MCF2L2: variants seen among roughly 807,000 people sequenced by gnomAD.
MCF2L2 encodes probable guanine nucleotide exchange factor MCF2L2.
A neutral mutation model predicts 150.2 loss-of-function variants in MCF2L2; 102 were observed. The observed-to-expected ratio is 0.68, with a 90% CI of 0.58 to 0.80. The LOEUF (loss-of-function observed/expected upper bound fraction) is 0.80. Ranked by LOEUF, MCF2L2 falls within the 30% of genes least tolerant of loss-of-function variation. The pLI is 0.00. For missense variants in MCF2L2, 1,256 were observed against 1,372.8 expected, an observed-to-expected ratio of 0.91 and a Z score of 1.34; for synonymous variants, 465 against 491.3, an observed-to-expected ratio of 0.95 and a Z score of 0.71.
At chr3:183,405,054 A>G (rs1333814533) in intron 1 of MCF2L2, among the ~76,000 whole-genome samples, 1 of 152,206 alleles carries the variant, frequency 6.6e-6, no homozygotes, top group African/African-American at 2.4e-5. Flanking sequence ...AATAGAATTT[A>G]CAATATAATT....
At chr3:183,404,803 C>T (rs35221581) in intron 1 of MCF2L2, among the ~76,000 whole-genome samples, 39,781 of 151,928 alleles carry the variant, frequency 0.26, 6,050 homozygotes, top group Non-Finnish European at 0.36. Flanking sequence ...GCGGAGGTTG[C>T]AGTGAGCCGA....
At position 183,181,978 on chromosome 3, in the gene MCF2L2, C is replaced by A. The variant is rs1721539999; in HGVS notation, c.3017-1819G>T. On this transcript the variant is annotated intron_variant, in intron 27 of 29. Transcript: ENST00000328913. This position sits in a 1 kb window ranked among gnomAD's most constrained non-coding sequence, Gnocchi z 4.3. ...TCCAGCCCCTCTGCAGGGTAAGTGGCACCTGGGGTAAAATGACTGCCTGGA... is the reference window on the plus strand; with the variant it reads ...TCCAGCCCCTCTGCAGGGTAAGTGGAACCTGGGGTAAAATGACTGCCTGGA... Among the ~76,000 whole-genome samples the A allele has an allele frequency of 6.6e-6, 1 of 152,190 alleles. No homozygotes were observed. The highest frequency in any genetic ancestry group is 2.4e-5 in the African/African-American group (1 of 41,432).
intron 13 of MCF2L2, 29 bp downstream of exon 13, chr3:183,295,271 A>C: frequency 6.3e-7 from 1 of 1,579,136 alleles, no homozygotes; most frequent in Non-Finnish European, 8.6e-7. Context: ...CACAAAAGCC[A>C]CAAAGCTTCT....
chr3:183,350,890 C>T (rs1459492517), intron 3 of MCF2L2, among the ~76,000 whole-genome samples: 2 of 148,692 alleles, frequency 1.3e-5, no homozygotes, highest in African/African-American at 2.5e-5. Flanking sequence ...GGCGACAGAG[C>T]GAGACTCCGT....
chr3:183,297,105 C>T lies in MCF2L2; in HGVS notation c.1368G>A (p.Gln456=), dbSNP rs965201635. The T allele has an allele frequency of 7.4e-6, 12 of 1,614,076 alleles. No homozygotes were observed. In the Admixed American group the frequency reaches 1.0e-4, roughly 13 times the overall value. ...LLASQAVDKC[Q]SREGVDIALN... ...AGGCGATATCAACCCCTTCTCGAGA[C>T]TGGCACTTGTCTACAGCTTGGGAAG... Residue 456 remains glutamine (Q), a synonymous_variant, in exon 12 of 30, where the codon CAG becomes CAA. Transcript: ENST00000328913.
At chr3:183,389,849 A>G in intron 1 of MCF2L2, 70 bp from the exon 2 acceptor site, 1 of 1,284,738 alleles carries the variant, frequency 7.8e-7, no homozygotes, top group Non-Finnish European at 1.1e-6. Context: ...AAAAAGAAAC[A>G]AAGGCAAGTT....
chr3:183,309,969 A>ATT, intron 9 of MCF2L2, 134 bp from the exon 10 acceptor site: 4 of 911,342 alleles, frequency 4.4e-6, no homozygotes, highest in Non-Finnish European at 6.1e-6. Flanking sequence ...TATGTTAAAA[A>ATT]TTTTTTTTTT....
intron 5 of MCF2L2, among the ~76,000 whole-genome samples, chr3:183,336,697 T>C (rs1195305982): frequency 6.6e-6 from 1 of 150,940 alleles, no homozygotes; most frequent in Non-Finnish European, 1.5e-5. Flanking sequence ...CTACTAAAAA[T>C]GCAAAAATTA....
In MCF2L2 at chr3:183,354,400, G is replaced by A. The variant is rs539221749; in HGVS notation, c.276-12770C>T. 4.0e-3 allele frequency among the ~76,000 whole-genome samples: 607 copies of A among 152,066 alleles called. 4 individuals are homozygous for A. The highest frequency in any genetic ancestry group is 6.6e-3 in the Non-Finnish European group (449 of 67,986). ...TAACTGAGAGTCTGGCACCTTTTAC[G>A]GTCTGATAAGGGACATTTACCATCT... On this transcript the variant is annotated intron_variant, in intron 3 of 29. Coordinates refer to ENST00000328913, the MANE Select transcript of MCF2L2 (RefSeq NM_015078.4).
chr3:183,286,940 T>C (rs938029331), intron 14 of MCF2L2, among the ~76,000 whole-genome samples: 1 of 152,188 alleles, frequency 6.6e-6, no homozygotes, highest in Non-Finnish European at 1.5e-5. Flanking sequence ...CTTGTGCTTG[T>C]TTAACAGTAC....
At position 183,276,925 on chromosome 3, in the gene MCF2L2, CCT is replaced by C; in HGVS notation, c.1807_1808del (p.Arg603GlyfsTer4). 1 of 1,610,378 alleles carries C rather than the reference CCT, an allele frequency of 6.2e-7. No homozygotes were observed. Among genetic ancestry groups the C allele is most frequent in the Middle Eastern group, 1.7e-4 (1 of 5,996 alleles). ...CCTGCTGCTCCAGCTCAGGGTTCCC[CCT>C]TTCATGATGGCTTTCAAAGATTTCT... Reference protein sequence around the residue: ...SEEIFESHHERGNPELEQQAR... With the variant: ...SEEIFESHHEXGNPELEQQAR... On this transcript the variant is annotated frameshift_variant, in exon 15 of 30. Coordinates refer to ENST00000328913, the MANE Select transcript of MCF2L2 (RefSeq NM_015078.4). LOFTEE classifies it high-confidence loss of function.
At chr3:183,324,202 C>G (rs563380491) in intron 5 of MCF2L2, among the ~76,000 whole-genome samples, 1 of 152,332 alleles carries the variant, frequency 6.6e-6, no homozygotes, top group Admixed American at 6.5e-5. Context: ...CTGAGGGGAT[C>G]TGGAGGTGAC....
intron 2 of MCF2L2, among the ~76,000 whole-genome samples, chr3:183,385,200 G>A (rs1713761937): frequency 6.6e-6 from 1 of 152,170 alleles, no homozygotes; most frequent in African/African-American, 2.4e-5. Flanking sequence ...CATTGTATCT[G>A]TTTATTTTAA....
intron 1 of MCF2L2, among the ~76,000 whole-genome samples, chr3:183,413,601 G>A (rs1373323620): frequency 6.6e-6 from 1 of 152,190 alleles, no homozygotes; most frequent in Non-Finnish European, 1.5e-5. Context: ...TCTCCAGGAT[G>A]CGGTCAAGAC....
At chr3:183,309,263 G>A (rs1729247185) in intron 10 of MCF2L2, among the ~76,000 whole-genome samples, 1 of 124,970 alleles carries the variant, frequency 8.0e-6, no homozygotes, top group South Asian at 2.4e-4. Context: ...TATAAAACTA[G>A]TTGTTTTTTT....
intron 1 of MCF2L2, among the ~76,000 whole-genome samples, chr3:183,420,672 GC>G (rs1560068224): frequency 1.3e-5 from 2 of 152,174 alleles, no homozygotes; most frequent in Admixed American, 1.3e-4. Flanking sequence ...TCATAGTTCC[GC>G]CTGGCTGGGG....
chr3:183,322,154 C>A (rs185613860), intron 6 of MCF2L2, among the ~76,000 whole-genome samples: 2 of 152,338 alleles, frequency 1.3e-5, no homozygotes, highest in East Asian at 3.9e-4. Flanking sequence ...AACATTCAAG[C>A]CATGACTATG....
intron 3 of MCF2L2, among the ~76,000 whole-genome samples, chr3:183,367,813 T>TG (rs1490235185): frequency 6.7e-6 from 1 of 150,308 alleles, no homozygotes; most frequent in African/African-American, 2.5e-5. Context: ...TGAGAGAGAG[T>TG]GAGGTGAGAG....
At chr3:183,210,733 A>C (rs752481357) in intron 22 of MCF2L2, among the ~76,000 whole-genome samples, 7 of 152,194 alleles carry the variant, frequency 4.6e-5, no homozygotes, top group Non-Finnish European at 1.0e-4. Context: ...AGGCTATTGT[A>C]GAGGAAACAG....
Sources: allele counts gnomAD v4.1 joint callset (sites outside exome capture counted in the v4.1 genomes callset), GRCh38; gene constraint gnomAD v4.1.1; non-coding constraint Gnocchi (gnomAD v3.1); transcripts MANE v1.5; gene names NCBI Gene and HGNC (gene_info 2026-07-23, HGNC 2026-07-21).